Variants in RAE1 observed in about 807,000 individuals in gnomAD.
The protein encoded by RAE1 is ribonucleic acid export 1.
Under a neutral mutation model 52.7 loss-of-function variants are expected in RAE1, and 13 were observed. The observed-to-expected ratio is 0.25, with a 90% CI of 0.16 to 0.39. The LOEUF is 0.39. Among genes scored for constraint, RAE1 ranks in the 10% least tolerant of loss-of-function variants. The pLI is 1.00. For missense variants in RAE1, 262 were observed against 459.8 expected (o/e 0.57, Z 3.93); for synonymous variants, 164 against 153.1 (o/e 1.07, Z -0.52).
rs2066706547 is a variant in RAE1 at position 57,351,412 on chromosome 20, G to GTC, written c.-18_-17insTC. The GTC allele has an allele frequency of 1.0e-6, 1 of 985,366 alleles. No homozygotes were observed. The highest frequency in any genetic ancestry group is 1.7e-5 in the African/African-American group (1 of 57,236). The allele number at this position is 985,366 out of a possible 1,614,324, so 61.0% of individuals were successfully genotyped here. The stretch of plus-strand genomic sequence containing the variant: ...CCCGGCCGCCGCTTTCCGCCGGGGC[G>GTC]AGACCCCCAGGTAGGCCCCGTGCCG... On this transcript the variant is annotated 5_prime_UTR_variant, in exon 1 of 12. Coordinates refer to ENST00000395841, the MANE Select transcript of RAE1 (RefSeq NM_003610.4).
rs1293069157 is a variant in RAE1, at chr20:57,367,721, TAGAGTG to T, written c.534+646_534+651del. Among the ~76,000 whole-genome samples, 8 of 131,258 alleles carry T rather than the reference TAGAGTG, an allele frequency of 6.1e-5. No homozygotes were observed. In the Admixed American group the frequency reaches 7.2e-4, roughly 12 times the overall value. 86.1% of individuals were successfully genotyped at this position (131,258 alleles called of 152,430 possible). On this transcript the variant is annotated intron_variant, in intron 7 of 11. Coordinates refer to ENST00000395841, the MANE Select transcript of RAE1 (RefSeq NM_003610.4). ...CGCTGTTGCACTTCAGCCTTGGTGATAGAGTGAGATACTATCTCAAAAAAAAAAAAA... is the reference window on the plus strand; with the variant it reads ...CGCTGTTGCACTTCAGCCTTGGTGATAGATACTATCTCAAAAAAAAAAAAA...
In RAE1 at chr20:57,374,601, T is replaced by C. The variant is rs202145579; in HGVS notation, c.826-6T>C. On this transcript the variant is annotated splice_polypyrimidine_tract_variant and splice_region_variant and intron_variant, in intron 10 of 11. Coordinates refer to ENST00000395841, the MANE Select transcript of RAE1 (RefSeq NM_003610.4). ...GGCTTCTCATTGTGCATGTCAATCC[T>C]TGCAGGTAAATGGAATCGCGTTCCA... is the stretch of plus-strand genomic sequence containing the variant. 125 of 1,608,362 alleles carry C rather than the reference T, an allele frequency of 7.8e-5. No homozygotes were observed. In the African/African-American group the frequency reaches 1.5e-3, roughly 19 times the overall value.
intron 4 of RAE1, among the ~76,000 whole-genome samples, chr20:57,363,153 C>G (rs529044947): frequency 2.0e-5 from 3 of 152,284 alleles, no homozygotes; most frequent in Middle Eastern, 3.4e-3. Context: ...CAATTGAGGC[C>G]TGGGTTCAAA....
At chr20:57,363,395 C>T (rs965077924) in intron 4 of RAE1, among the ~76,000 whole-genome samples, 1 of 152,124 alleles carries the variant, frequency 6.6e-6, no homozygotes, top group Non-Finnish European at 1.5e-5. Flanking sequence ...CACCTGTAGT[C>T]CCAGCTACTT....
chr20:57,378,885 C>G lies in RAE1; in HGVS notation c.*786C>G, dbSNP rs370255840. On this transcript the variant is annotated 3_prime_UTR_variant, in exon 12 of 12. Transcript: ENST00000395841. ...ATGGGAATTGCCCTGAACTCTTACCCACCCCGGTCCCCTGCATGGGAATTG... is the reference window on the plus strand; with the variant it reads ...ATGGGAATTGCCCTGAACTCTTACCGACCCCGGTCCCCTGCATGGGAATTG... 1 of 152,128 alleles carries G rather than the reference C, an allele frequency of 6.6e-6. No individual in the cohort carries two copies. The highest frequency in any genetic ancestry group is 2.4e-5 in the African/African-American group (1 of 41,420). 9.4% of individuals were successfully genotyped at this position (152,128 alleles called of 1,614,324 possible).
chr20:57,364,960 T>A (rs1054609627), intron 4 of RAE1, among the ~76,000 whole-genome samples: 1 of 152,228 alleles, frequency 6.6e-6, no homozygotes, highest in African/African-American at 2.4e-5. Flanking sequence ...TGAATCTATG[T>A]GAAGTGCTTA....
At chr20:57,359,065 A>C (rs957100132) in intron 4 of RAE1, 5 of 1,475,252 alleles carry the variant, frequency 3.4e-6, no homozygotes, top group Non-Finnish European at 4.5e-6. Flanking sequence ...TTTAGAGAAC[A>C]AGTGATTATG....
At chr20:57,360,257 G>C (rs1292894416) in intron 4 of RAE1, among the ~76,000 whole-genome samples, 5 of 152,186 alleles carry the variant, frequency 3.3e-5, no homozygotes, top group African/African-American at 1.2e-4. Context: ...TAAGCCCTTA[G>C]ATTTCATAAG....
In RAE1 at chr20:57,351,373, C is replaced by G; in HGVS notation, c.-57C>G. The G allele has an allele frequency of 1.0e-6, 1 of 985,532 alleles. No individual in the cohort carries two copies. The highest frequency in any genetic ancestry group is 1.2e-6 in the Non-Finnish European group (1 of 830,010). 61.0% of individuals were successfully genotyped at this position (985,532 alleles called of 1,614,324 possible). On this transcript the variant is annotated 5_prime_UTR_variant, in exon 1 of 12. Transcript: ENST00000395841. ...CGCCAGAGCAGGTTCGCAAACTCCTCAGACCCTTCTGCTCCCGGCCGCCGC... is the reference window on the plus strand; with the variant it reads ...CGCCAGAGCAGGTTCGCAAACTCCTGAGACCCTTCTGCTCCCGGCCGCCGC...
At chr20:57,357,247 C>T (rs1474558698) in intron 4 of RAE1, among the ~76,000 whole-genome samples, 1 of 152,190 alleles carries the variant, frequency 6.6e-6, no homozygotes, top group East Asian at 1.9e-4. Flanking sequence ...AAATTCTCTT[C>T]CTTCCTTTTG....
chr20:57,364,084 G>A (rs981031466), intron 4 of RAE1, among the ~76,000 whole-genome samples: 2 of 152,216 alleles, frequency 1.3e-5, no homozygotes, highest in Admixed American at 6.5e-5. Context: ...AGAAAGACAT[G>A]TAGGTAAAGG....
In RAE1 at chr20:57,354,135, C is replaced by T. The variant is rs377572773; in HGVS notation, c.90+7C>T. The T allele has an allele frequency of 2.1e-5, 34 of 1,610,786 alleles. No individual in the cohort carries two copies. The highest frequency in any genetic ancestry group is 2.7e-5 in the African/African-American group (2 of 74,846). On this transcript the variant is annotated splice_region_variant and intron_variant, in intron 2 of 11. Coordinates refer to ENST00000395841, the MANE Select transcript of RAE1 (RefSeq NM_003610.4). ...CAATCACAATCCCATGAAGGTACCA[C>T]GAAAAGCTTCCTGGGGCTTGTAGGA...
At chr20:57,373,249 AGCGGGG>A in intron 8 of RAE1, 1 of 549,358 alleles carries the variant, frequency 1.8e-6, no homozygotes, top group Non-Finnish European at 3.2e-6. Context: ...GAGAGCGAGC[AGCGGGG>A]GCGGGGGAGG....
intron 11 of RAE1, 123 bp downstream of exon 11, chr20:57,374,924 G>A (rs149934537): frequency 0.016 from 17,394 of 1,077,788 alleles, 212 homozygotes; most frequent in Middle Eastern, 0.032. Flanking sequence ...GCAGGTCACC[G>A]TCCCCTCCCT....
intron 11 of RAE1, among the ~76,000 whole-genome samples, chr20:57,376,962 A>G (rs1464657318): frequency 6.6e-6 from 1 of 152,242 alleles, no homozygotes; most frequent in Non-Finnish European, 1.5e-5. Flanking sequence ...GGGGTTACAT[A>G]AATTAGCATC....
intron 7 of RAE1, 23 bp downstream of exon 7, chr20:57,367,102 G>T (rs1015582829): frequency 6.6e-7 from 1 of 1,506,958 alleles, no homozygotes; most frequent in Non-Finnish European, 9.1e-7. Flanking sequence ...AACTTAATAT[G>T]TATTTACTTT....
intron 4 of RAE1, chr20:57,357,966 C>T (rs2066817665): frequency 6.7e-6 from 1 of 149,758 alleles, no homozygotes; most frequent in African/African-American, 2.6e-5. Flanking sequence ...ATCGTGTGGG[C>T]CACAGCTCAT....
intron 7 of RAE1, among the ~76,000 whole-genome samples, chr20:57,367,378 G>C (rs1013208556): frequency 2.6e-5 from 4 of 152,190 alleles, no homozygotes; most frequent in African/African-American, 9.7e-5. Context: ...TTCCATGGCA[G>C]TAGGAAAACT....
Position 57,354,101 on chromosome 20 carries a change from A to G in RAE1, c.63A>G (p.Ala21=). 6.2e-7 allele frequency: 1 copy of G among 1,614,088 alleles called. No individual in the cohort carries two copies. The highest frequency in any genetic ancestry group is 8.5e-7 in the Non-Finnish European group (1 of 1,179,958). The change falls in exon 2 of 12, where the codon GCA becomes GCG. Residue 21 remains alanine (A), a synonymous_variant. Coordinates refer to ENST00000395841, the MANE Select transcript of RAE1 (RefSeq NM_003610.4). ...GTGGGACCAGCATGTTTGGCAGTGC[A>G]ACTACAGACAATCACAATCCCATGA... ...GTSGTSMFGS[A]TTDNHNPMKD...
Sources: allele counts gnomAD v4.1 joint callset (sites outside exome capture counted in the v4.1 genomes callset), GRCh38; gene constraint gnomAD v4.1.1; transcripts MANE v1.5; gene names NCBI Gene and HGNC (gene_info 2026-07-23, HGNC 2026-07-21).